Variants in SLC13A3 observed in about 807,000 individuals in gnomAD.
SLC13A3 encodes solute carrier family 13 member 3.
In SLC13A3, 40 loss-of-function variants were observed where a neutral mutation model predicts 59.0. The ratio of observed to expected loss-of-function variants is 0.68; its 90% CI spans 0.53 to 0.88. The LOEUF (loss-of-function observed/expected upper bound fraction) is 0.88, where lower values mean the gene tolerates loss of function less well. Among genes scored for constraint, SLC13A3 ranks in the 40% least tolerant of loss-of-function variants. The pLI, the probability that SLC13A3 is intolerant of heterozygous loss-of-function variation, is 0.00. For missense variants in SLC13A3, 699 were observed against 783.2 expected, an observed-to-expected ratio of 0.89 and a Z score of 1.28; for synonymous variants, 317 against 330.3, an observed-to-expected ratio of 0.96 and a Z score of 0.44.
At chr20:46,566,440 G>A (rs191897386) in intron 10 of SLC13A3, 50 bp from the exon 11 acceptor site, 46 of 1,576,062 alleles carry the variant, frequency 2.9e-5, no homozygotes, top group Non-Finnish European at 3.6e-5. Context: ...CCCAGCTGCC[G>A]CCCCCCAGAG....
chr20:46,639,035 G>GT (rs1411589850), intron 1 of SLC13A3, among the ~76,000 whole-genome samples: 2 of 152,270 alleles, frequency 1.3e-5, no homozygotes, highest in East Asian at 1.9e-4. Flanking sequence ...GGTAGCCAAT[G>GT]TTTTTTTAGC....
chr20:46,568,401 CAAAAAAAAAAAA>C lies in SLC13A3; in HGVS notation c.1333-2023_1333-2012del, dbSNP rs66526539. On this transcript the variant is annotated intron_variant, in intron 10 of 12. Transcript: ENST00000279027. ...TGACAGAGAGAGCGAGACTCCATCT[CAAAAAAAAAAAA>C]AAAAAAAAAAAAAATAGAATAGAGC... Among the ~76,000 whole-genome samples the C allele has an allele frequency of 4.6e-4, 27 of 58,710 alleles. No homozygotes were observed. The East Asian group carries it at 0.01, about 22-fold the overall frequency. The allele number at this position is 58,710 out of a possible 152,430, so 38.5% of individuals were successfully genotyped here.
At chr20:46,574,671 C>T (rs1004027585) in intron 10 of SLC13A3, among the ~76,000 whole-genome samples, 2 of 152,106 alleles carry the variant, frequency 1.3e-5, no homozygotes, top group Non-Finnish European at 2.9e-5. Flanking sequence ...AGCCGAACTG[C>T]CTGGATTCTA....
intron 1 of SLC13A3, among the ~76,000 whole-genome samples, chr20:46,632,361 T>C (rs931502531): frequency 2.6e-5 from 4 of 152,032 alleles, no homozygotes; most frequent in African/African-American, 9.7e-5. Context: ...TGGTGTCGCT[T>C]CCTCACTCCG....
chr20:46,674,604 C>CGCATGTGTGT (rs370861850), upstream of SLC13A3, among the ~76,000 whole-genome samples: 1 of 127,882 alleles, frequency 7.8e-6, no homozygotes, highest in Non-Finnish European at 1.6e-5. Flanking sequence ...CGCGCGCGCG[C>CGCATGTGTGT]GTGTGTGTGT....
At chr20:46,565,979 A>G (rs1277117626) in intron 11 of SLC13A3, among the ~76,000 whole-genome samples, 1 of 152,206 alleles carries the variant, frequency 6.6e-6, no homozygotes, top group Non-Finnish European at 1.5e-5. Context: ...AAAACTCTCC[A>G]TGTCACCATG....
chr20:46,642,884 ACCATCTGCCG>A (rs200976873), intron 1 of SLC13A3, among the ~76,000 whole-genome samples: 33 of 152,248 alleles, frequency 2.2e-4, no homozygotes, highest in African/African-American at 5.3e-4. Context: ...CAGCCTGAGA[ACCATCTGCCG>A]CCATCTGCCG....
chr20:46,568,363 A>C (rs1180537520), intron 10 of SLC13A3, among the ~76,000 whole-genome samples: 1 of 136,394 alleles, frequency 7.3e-6, no homozygotes, highest in Non-Finnish European at 1.5e-5. Context: ...ACGCCACCGC[A>C]CTCCAGTCTG....
intron 1 of SLC13A3, among the ~76,000 whole-genome samples, chr20:46,625,447 G>C (rs1048685441): frequency 1.3e-5 from 2 of 152,190 alleles, no homozygotes; most frequent in Non-Finnish European, 2.9e-5. Context: ...AAATATTTTA[G>C]AGCACTAGCT....
chr20:46,583,717 GC>G (rs1449678711), intron 8 of SLC13A3, 48 bp from the exon 9 acceptor site: 2 of 1,609,314 alleles, frequency 1.2e-6, no homozygotes, highest in Admixed American at 3.4e-5. Context: ...ATCTCAGCGG[GC>G]CGAGGTTTGG....
At chr20:46,631,851 G>A (rs1257226368) in intron 1 of SLC13A3, among the ~76,000 whole-genome samples, 1 of 152,066 alleles carries the variant, frequency 6.6e-6, no homozygotes, top group African/African-American at 2.4e-5. Flanking sequence ...ATGATTTCCA[G>A]GCATACACAA....
At chr20:46,609,497 C>T (rs542340277) in intron 3 of SLC13A3, among the ~76,000 whole-genome samples, 1 of 152,292 alleles carries the variant, frequency 6.6e-6, no homozygotes, top group South Asian at 2.1e-4. Context: ...AGTCCTTTCT[C>T]TCCCCATTTC....
intron 8 of SLC13A3, 172 bp from the exon 9 acceptor site, chr20:46,583,841 C>G (rs1600518320): frequency 2.7e-5 from 27 of 985,398 alleles, no homozygotes; most frequent in Non-Finnish European, 3.1e-5. Context: ...TGGTGCAAAG[C>G]TCTTCATTCA....
At chr20:46,566,995 G>A (rs796284591) in intron 10 of SLC13A3, among the ~76,000 whole-genome samples, 2 of 152,020 alleles carry the variant, frequency 1.3e-5, no homozygotes, top group South Asian at 2.1e-4. Context: ...CTTGAGGTCA[G>A]GAGTTCGAGA....
intron 12 of SLC13A3, among the ~76,000 whole-genome samples, chr20:46,560,633 C>T (rs941204): frequency 0.53 from 80,807 of 151,846 alleles, 23,136 homozygotes; most frequent in Non-Finnish European, 0.64. Flanking sequence ...TATACACACA[C>T]GCATGCACAC....
intron 1 of SLC13A3, among the ~76,000 whole-genome samples, chr20:46,658,062 G>C (rs1238953745): frequency 6.6e-6 from 1 of 152,042 alleles, no homozygotes; most frequent in Non-Finnish European, 1.5e-5. Flanking sequence ...GCCCTCTCCT[G>C]ATACCTCCCT....
intron 7 of SLC13A3, 97 bp downstream of exon 7, chr20:46,589,062 TG>T: frequency 9.7e-7 from 1 of 1,027,956 alleles, no homozygotes; most frequent in Non-Finnish European, 1.5e-6. Context: ...GGAATTCCCC[TG>T]GAGCTCAGCC....
intron 5 of SLC13A3, among the ~76,000 whole-genome samples, chr20:46,594,797 C>A (rs1426381906): frequency 6.6e-6 from 1 of 150,778 alleles, no homozygotes; most frequent in Non-Finnish European, 1.5e-5. Flanking sequence ...ATCATCAAAT[C>A]TTAAAATCAA....
intron 3 of SLC13A3, among the ~76,000 whole-genome samples, chr20:46,602,916 C>T (rs538522736): frequency 1.2e-4 from 18 of 152,234 alleles, no homozygotes; most frequent in African/African-American, 4.3e-4. Context: ...TGGTGACTCA[C>T]GCCTGTAATC....
Sources: allele counts gnomAD v4.1 joint callset (sites outside exome capture counted in the v4.1 genomes callset), GRCh38; gene constraint gnomAD v4.1.1; transcripts MANE v1.5; gene names NCBI Gene and HGNC (gene_info 2026-07-23, HGNC 2026-07-21).